Variants in NR3C1 observed in about 807,000 individuals in gnomAD.
NR3C1 encodes glucocorticoid receptor.
A neutral mutation model predicts 74.0 loss-of-function variants in NR3C1; 14 were observed. The observed-to-expected ratio is 0.19, with a 90% CI of 0.12 to 0.30. The LOEUF is 0.30. NR3C1 is among the 10% of genes least tolerant of loss of function. NR3C1 has a pLI of 1.00. For missense variants in NR3C1, 695 were observed against 909.8 expected (o/e 0.76, Z 3.04); for synonymous variants, 308 against 332.5 (o/e 0.93, Z 0.80).
chr5:143,389,120 G>GT (rs1294628535), intron 2 of NR3C1, among the ~76,000 whole-genome samples: 4 of 152,194 alleles, frequency 2.6e-5, no homozygotes, highest in Non-Finnish European at 2.9e-5. Context: ...CCAGGAAGGA[G>GT]TTTGAGATCT....
chr5:143,321,214 A>G (rs983350748), intron 2 of NR3C1, among the ~76,000 whole-genome samples: 1 of 152,206 alleles, frequency 6.6e-6, no homozygotes. Flanking sequence ...TATCTCGAGC[A>G]TCTTTGAAAT....
chr5:143,367,719 C>T (rs1833501650), intron 2 of NR3C1, among the ~76,000 whole-genome samples: 1 of 152,068 alleles, frequency 6.6e-6, no homozygotes, highest in African/African-American at 2.4e-5. Context: ...TTGAAAACTA[C>T]AAAATATTAA....
rs61759020 is a variant in NR3C1 at position 143,402,950 on chromosome 5, G to A, written c.-14+261C>T. 4 of 750,222 alleles carry A rather than the reference G, an allele frequency of 5.3e-6. No individual in the cohort carries two copies. The African/African-American group carries it at 5.7e-5, about 11-fold the overall frequency. The allele number at this position is 750,222 out of a possible 1,614,324, so 46.5% of individuals were successfully genotyped here. A position where few individuals can be genotyped will look rare whatever the true frequency, so the allele number is the denominator to read the frequency against. On this transcript the variant is annotated intron_variant, in intron 1 of 8. Coordinates refer to ENST00000394464, the MANE Select transcript of NR3C1 (RefSeq NM_000176.3). ...TCGAAGCCCCCGGCAGTTCGACAGG[G>A]CTCCGCTCGCCGTCCGAGGTCAGGT...
At chr5:143,333,221 C>A in intron 2 of NR3C1, 2 of 1,477,588 alleles carry the variant, frequency 1.4e-6, no homozygotes, top group Middle Eastern at 2.4e-4. Context: ...TCAATCAGCT[C>A]ATCCGTCAGC....
chr5:143,380,694 C>T (rs144699585), intron 2 of NR3C1, among the ~76,000 whole-genome samples: 9 of 152,204 alleles, frequency 5.9e-5, no homozygotes, highest in African/African-American at 2.2e-4. Flanking sequence ...AAATAGGAAG[C>T]ATATGCATCA....
At chr5:143,290,908 A>C (rs566124598) in intron 7 of NR3C1, among the ~76,000 whole-genome samples, 31 of 152,290 alleles carry the variant, frequency 2.0e-4, no homozygotes, top group Admixed American at 1.4e-3. Flanking sequence ...GTTTGAATTT[A>C]GCTGTACTAA....
At chr5:143,403,764 G>A (rs1840811731), upstream of NR3C1, 20 of 984,228 alleles carry the variant, frequency 2.0e-5, no homozygotes, top group Non-Finnish European at 2.4e-5. Context: ...GCCGCGCGGC[G>A]GCCGCGGGGA....
chr5:143,420,705 C>A (rs1413272008), intron 1 of NR3C1, among the ~76,000 whole-genome samples: 2 of 152,072 alleles, frequency 1.3e-5, no homozygotes, highest in Non-Finnish European at 2.9e-5. Context: ...AGCACAGCCC[C>A]CCACAACAAA....
chr5:143,431,728 C>T (rs983940544), intron 1 of NR3C1, among the ~76,000 whole-genome samples: 1 of 152,132 alleles, frequency 6.6e-6, no homozygotes, highest in Admixed American at 6.5e-5. Flanking sequence ...TAGGTAGTTT[C>T]CCAGCTGACA....
upstream of NR3C1, chr5:143,404,057 G>C: frequency 1.0e-6 from 1 of 985,316 alleles, no homozygotes; most frequent in African/African-American, 1.7e-5. Flanking sequence ...CCTCCTTCCC[G>C]CCCCCGCCCA....
chr5:143,330,814 T>G (rs1298751234), intron 2 of NR3C1, among the ~76,000 whole-genome samples: 1 of 152,144 alleles, frequency 6.6e-6, no homozygotes, highest in East Asian at 1.9e-4. Flanking sequence ...TAAAAATAGT[T>G]AAATACAACA....
intron 2 of NR3C1, among the ~76,000 whole-genome samples, chr5:143,357,784 G>T (rs1831432097): frequency 6.6e-6 from 1 of 152,200 alleles, no homozygotes; most frequent in African/African-American, 2.4e-5. Flanking sequence ...CTTCATAACT[G>T]CATTGTAATT....
chr5:143,387,232 T>C (rs1445751530), intron 2 of NR3C1, among the ~76,000 whole-genome samples: 3 of 152,204 alleles, frequency 2.0e-5, no homozygotes, highest in Non-Finnish European at 2.9e-5. Context: ...GTCTCAGAAG[T>C]ATGTTTCTTA....
chr5:143,407,592 C>G (rs1200600681), upstream of NR3C1, among the ~76,000 whole-genome samples: 1 of 152,198 alleles, frequency 6.6e-6, no homozygotes, highest in African/African-American at 2.4e-5. Flanking sequence ...AGTTGGTGCT[C>G]AGTGGGTGTT....
upstream of NR3C1, chr5:143,403,810 G>T (rs1389195500): frequency 1.8e-5 from 18 of 976,400 alleles, no homozygotes; most frequent in Non-Finnish European, 2.2e-5. Context: ...GGCAACTGCA[G>T]GGGCGCCCGC....
At chr5:143,420,490 C>G (rs1751166083) in intron 1 of NR3C1, among the ~76,000 whole-genome samples, 1 of 152,212 alleles carries the variant, frequency 6.6e-6, no homozygotes, top group African/African-American at 2.4e-5. Context: ...GGGTCCCTGA[C>G]TTCCCGCAAC....
intron 1 of NR3C1, among the ~76,000 whole-genome samples, chr5:143,419,853 CT>C (rs1751128010): frequency 6.6e-6 from 1 of 152,106 alleles, no homozygotes; most frequent in African/African-American, 2.4e-5. Context: ...CAGGAATTTC[CT>C]CTTCCTAATA....
At chr5:143,381,710 G>T (rs1052171334) in intron 2 of NR3C1, among the ~76,000 whole-genome samples, 1 of 152,064 alleles carries the variant, frequency 6.6e-6, no homozygotes, top group South Asian at 2.1e-4. Context: ...AAATGGTGCT[G>T]GGAAAACTGG....
intron 2 of NR3C1, among the ~76,000 whole-genome samples, chr5:143,324,781 TG>T (rs1280665558): frequency 6.6e-6 from 1 of 152,230 alleles, no homozygotes; most frequent in African/African-American, 2.4e-5. Flanking sequence ...TTGAGTGCTT[TG>T]CTGCTTAGAA....
Sources: allele counts gnomAD v4.1 joint callset (sites outside exome capture counted in the v4.1 genomes callset), GRCh38; gene constraint gnomAD v4.1.1; transcripts MANE v1.5; gene names NCBI Gene and HGNC (gene_info 2026-07-23, HGNC 2026-07-21).